DUSP11: variants seen among roughly 807,000 people sequenced by gnomAD.
DUSP11 encodes dual specificity phosphatase 11, also known as RNA/RNP complex-1-interacting phosphatase.
DUSP11 carries 27 observed loss-of-function variants against 41.4 expected under a neutral mutation model. The observed-to-expected ratio is 0.65, with a 90% CI of 0.48 to 0.90. The LOEUF is 0.90. DUSP11 is among the 40% of genes least tolerant of loss of function. The probability of loss-of-function intolerance (pLI) is 0.00; values close to 1 mark genes in which losing one functional copy is unlikely to be tolerated. For missense variants in DUSP11, 465 were observed against 461.1 expected (o/e 1.01, Z -0.08); for synonymous variants, 188 against 159.3 (o/e 1.18, Z -1.35).
chr2:73,774,487 C>A (rs1034694948), intron 3 of DUSP11, among the ~76,000 whole-genome samples: 1 of 152,142 alleles, frequency 6.6e-6, no homozygotes, highest in Non-Finnish European at 1.5e-5. Flanking sequence ...ACTGTCTATA[C>A]CCAAAACTTT....
rs149300572 is a variant in DUSP11 at position 73,777,136 on chromosome 2, G to A, written c.318+1165C>T. 4.1e-4 allele frequency among the ~76,000 whole-genome samples: 62 copies of A among 152,104 alleles called. No individual in the cohort carries two copies. In the East Asian group the frequency reaches 7.5e-3, roughly 18 times the overall value. The stretch of plus-strand genomic sequence containing the variant: ...GCTGAGACTACAAGCACACGCCACC[G>A]CGCCTGGTTAATTTTTGTATTTTTT... On this transcript the variant is annotated intron_variant, in intron 2 of 8. Coordinates refer to ENST00000272444, the Ensembl canonical transcript of DUSP11.
At position 73,780,081 on chromosome 2, in the gene DUSP11, C is replaced by T. The variant is rs1418322013; in HGVS notation, c.35G>A (p.Gly12Asp). The T allele has an allele frequency of 6.3e-7, 1 of 1,584,076 alleles. No individual in the cohort carries two copies. The highest frequency in any genetic ancestry group is 1.3e-5 in the African/African-American group (1 of 74,382). ...TAAACAGGAAAAGACTCGGCAGCCACCTACGCCGCGCTCCAGCGTCTCGCT... is the reference window on the plus strand; with the variant it reads ...TAAACAGGAAAAGACTCGGCAGCCATCTACGCCGCGCTCCAGCGTCTCGCT... The change falls in exon 1 of 9, where the codon GGT (glycine) becomes GAT (aspartate). Residue 12 changes from glycine to aspartate, a missense_variant. The change creates a new upstream start codon in the 5' untranslated region. Transcript: ENST00000272444.
chr2:73,778,249 C>T, intron 2 of DUSP11, 52 bp downstream of exon 2: 1 of 1,244,014 alleles, frequency 8.0e-7, no homozygotes, highest in East Asian at 2.5e-5. Context: ...GAGCAGTGTT[C>T]TGCATGGTGA....
intron 8 of DUSP11, among the ~76,000 whole-genome samples, chr2:73,764,173 G>T (rs181881835): frequency 6.6e-6 from 1 of 152,298 alleles, no homozygotes; most frequent in East Asian, 1.9e-4. Flanking sequence ...ACTAGGTAAA[G>T]TATTTTTATG....
chr2:73,774,056 C>G, intron 3 of DUSP11, 133 bp from the exon 4 acceptor site: 1 of 679,098 alleles, frequency 1.5e-6, no homozygotes, highest in South Asian at 4.6e-5. Context: ...ATACACAATT[C>G]TGATAAAAGA....
At chr2:73,772,202 T>C (rs1209454288) in intron 4 of DUSP11, among the ~76,000 whole-genome samples, 1 of 152,234 alleles carries the variant, frequency 6.6e-6, no homozygotes, top group African/African-American at 2.4e-5. Context: ...CAAAGACTGC[T>C]ATCATCTCTG....
intron 8 of DUSP11, 86 bp downstream of exon 8, chr2:73,766,328 GAATT>G: frequency 1.8e-6 from 2 of 1,090,492 alleles, no homozygotes; most frequent in Non-Finnish European, 2.6e-6. Flanking sequence ...AAAAAACGAA[GAATT>G]CCTCATCAGT....
rs1420330631 is a variant in DUSP11, at chr2:73,775,542, C to G, written c.319-498G>C. Among the ~76,000 whole-genome samples, 84 of 95,146 alleles carry G rather than the reference C, an allele frequency of 8.8e-4. 1 individual carries two copies. The East Asian group carries it at 0.028, about 32-fold the overall frequency. The allele number at this position is 95,146 out of a possible 152,430, so 62.4% of individuals were successfully genotyped here. On this transcript the variant is annotated intron_variant, in intron 2 of 8. Coordinates refer to ENST00000272444, the Ensembl canonical transcript of DUSP11. ...TACAGGCATGAACCACCACACCTGG[C>G]CTTTTTTTTTTTTTTTTAAAGAGAT...
chr2:73,776,500 A>T (rs1016193241), intron 2 of DUSP11, among the ~76,000 whole-genome samples: 1 of 151,800 alleles, frequency 6.6e-6, no homozygotes, highest in Non-Finnish European at 1.5e-5. Flanking sequence ...TAGTTCCCAC[A>T]TGTACTTTGC....
At chr2:73,779,844 A>T in intron 1 of DUSP11, 30 bp downstream of exon 1, 1 of 1,610,180 alleles carries the variant, frequency 6.2e-7, no homozygotes, top group Non-Finnish European at 8.5e-7. Flanking sequence ...CGAGCTGGAA[A>T]GGCCACGCCA....
intron 4 of DUSP11, among the ~76,000 whole-genome samples, chr2:73,771,048 C>T (rs535009086): frequency 6.6e-6 from 1 of 152,148 alleles, no homozygotes; most frequent in African/African-American, 2.4e-5. Context: ...CATAAAGAGG[C>T]CTTCCTGATC....
In DUSP11 at chr2:73,766,607, AT is replaced by A; in HGVS notation, c.759-14del. 1.3e-6 allele frequency: 2 copies of A among 1,598,138 alleles called. No individual in the cohort carries two copies. Among genetic ancestry groups the A allele is most frequent in the Non-Finnish European group, 1.7e-6 (2 of 1,174,596 alleles). ...GGAATTCCAATTCCTTAAAGAGAATATTTTCCACACAATATTACTGGTTTCC... is the reference window on the plus strand; with the variant it reads ...GGAATTCCAATTCCTTAAAGAGAATATTTCCACACAATATTACTGGTTTCC... On this transcript the variant is annotated splice_polypyrimidine_tract_variant and intron_variant, in intron 7 of 8. Transcript: ENST00000272444.
At chr2:73,768,174 T>G (rs1223993296) in intron 5 of DUSP11, 5 of 152,418 alleles carry the variant, frequency 3.3e-5, no homozygotes, top group African/African-American at 1.2e-4. Flanking sequence ...CTACTTATAC[T>G]TCAGATATTT....
At chr2:73,773,256 A>G (rs1255005222) in intron 4 of DUSP11, 1 of 155,054 alleles carries the variant, frequency 6.4e-6, no homozygotes, top group Non-Finnish European at 1.4e-5. Flanking sequence ...GCGGAAAAAC[A>G]GCAGAAATAT....
rs573172503 is a variant in DUSP11 at position 73,771,945 on chromosome 2, C to T, written c.574+1855G>A. Among the ~76,000 whole-genome samples, 5 of 151,834 alleles carry T rather than the reference C, an allele frequency of 3.3e-5. No individual in the cohort carries two copies. In the East Asian group the frequency reaches 5.8e-4, roughly 18 times the overall value. On this transcript the variant is annotated intron_variant, in intron 4 of 8. Coordinates refer to ENST00000272444, the Ensembl canonical transcript of DUSP11. ...ACGCCATTCTCCTGCCTCAGCCCCC[C>T]GAGTAGCTTGGACTACAGATGCCTG...
chr2:73,780,013 C>T lies in DUSP11; in HGVS notation c.103G>A (p.Ala35Thr), dbSNP rs776113366. 6.2e-6 allele frequency: 10 copies of T among 1,614,050 alleles called. No individual in the cohort carries two copies. The African/African-American group carries it at 1.2e-4, about 19-fold the overall frequency. Residue 35 changes from alanine (A) to threonine (T), a missense_variant, in exon 1 of 9, where the codon GCC (alanine) becomes ACC (threonine). Coordinates refer to ENST00000272444, the Ensembl canonical transcript of DUSP11. Reference sequence around the variant, plus strand: ...AGCCGCCCACCCAATGCCAAGTCGGCCAAAAGCGCCAGTCCGGCGCCCTCA... The same window carrying T: ...AGCCGCCCACCCAATGCCAAGTCGGTCAAAAGCGCCAGTCCGGCGCCCTCA...
At chr2:73,778,985 T>G (rs1672738646) in intron 1 of DUSP11, among the ~76,000 whole-genome samples, 1 of 151,986 alleles carries the variant, frequency 6.6e-6, no homozygotes, top group Admixed American at 6.6e-5. Flanking sequence ...CCATCTCTAC[T>G]AAAAATACAA....
rs148220781 is a variant in DUSP11 at position 73,773,963 on chromosome 2, T to G, written c.451-40A>C. 2,085 of 1,481,622 alleles carry G rather than the reference T, an allele frequency of 1.4e-3. 43 individuals are homozygous for G. In the East Asian group the frequency reaches 0.043, roughly 30 times the overall value. The allele number at this position is 1,481,622 out of a possible 1,614,324, so 91.8% of individuals were successfully genotyped here. On this transcript the variant is annotated intron_variant, in intron 3 of 8. Coordinates refer to ENST00000272444, the Ensembl canonical transcript of DUSP11. ...CATAAAAGATGTGTATTATTTCACTTGTAGAGAAATAATTAAAGAGTAATT... is the reference window on the plus strand; with the variant it reads ...CATAAAAGATGTGTATTATTTCACTGGTAGAGAAATAATTAAAGAGTAATT...
chr2:73,766,440 G>C, exon 8 of DUSP11: 1 of 1,611,912 alleles, frequency 6.2e-7, no homozygotes, highest in Non-Finnish European at 8.5e-7. Context: ...TGCAAACTTT[G>C]GGTCTGGGTG....
Sources: gnomAD v4.1 joint callset for allele counts (sites outside exome capture counted in the v4.1 genomes callset) on GRCh38, gnomAD v4.1.1 for gene constraint, MANE v1.5 for transcripts, NCBI Gene and HGNC (gene_info 2026-07-23, HGNC 2026-07-21) for gene names.